The following ELOVL7 variants were observed in gnomAD, a reference collection of about 807,000 sequenced individuals.
ELOVL7 encodes the protein ELOVL fatty acid elongase 7.
ELOVL7 carries 27 observed loss-of-function variants against 35.7 expected under a neutral mutation model. The observed-to-expected ratio is 0.76, with a 90% confidence interval of 0.56 to 1.04. ELOVL7 has a LOEUF of 1.04. Ranked by LOEUF, ELOVL7 falls within the 50% of genes least tolerant of loss-of-function variation. The pLI is 0.00. For synonymous variants in ELOVL7, 113 were observed against 114.6 expected, an observed-to-expected ratio of 0.99 and a Z score of 0.09; for missense variants, 327 against 340.8, an observed-to-expected ratio of 0.96 and a Z score of 0.32.
intron 2 of ELOVL7, among the ~76,000 whole-genome samples, chr5:60,797,219 C>G (rs1744316333): frequency 6.6e-6 from 1 of 152,196 alleles, no homozygotes; most frequent in Non-Finnish European, 1.5e-5. Flanking sequence ...TATATACATA[C>G]TATACACACA....
intron 1 of ELOVL7, among the ~76,000 whole-genome samples, chr5:60,837,223 C>A (rs1469699492): frequency 6.7e-6 from 1 of 149,086 alleles, no homozygotes; most frequent in Non-Finnish European, 1.5e-5. Context: ...CACCTGAGGT[C>A]GGGAGTCGAG....
At chr5:60,803,227 A>T (rs1281534725) in intron 1 of ELOVL7, among the ~76,000 whole-genome samples, 4 of 152,180 alleles carry the variant, frequency 2.6e-5, no homozygotes, top group African/African-American at 4.8e-5. Context: ...ATCCCATCCC[A>T]CAAGTCACAA....
At chr5:60,794,345 C>T (rs752343095) in intron 2 of ELOVL7, among the ~76,000 whole-genome samples, 10 of 152,250 alleles carry the variant, frequency 6.6e-5, no homozygotes, top group Non-Finnish European at 8.8e-5. Flanking sequence ...AAGCTGCCTA[C>T]GTTAGCATGA....
At chr5:60,784,759 G>C (rs1378439253) in intron 3 of ELOVL7, among the ~76,000 whole-genome samples, 2 of 152,092 alleles carry the variant, frequency 1.3e-5, no homozygotes, top group African/African-American at 4.8e-5. Flanking sequence ...CTAAGTAGAA[G>C]GAAAAAACTT....
chr5:60,805,375 T>C (rs149870273), intron 1 of ELOVL7, among the ~76,000 whole-genome samples: 111 of 152,210 alleles, frequency 7.3e-4, no homozygotes, highest in African/African-American at 2.5e-3. Context: ...ATGGAAACAA[T>C]AGGAAGATCA....
At chr5:60,816,384 A>AC (rs1745519397) in intron 1 of ELOVL7, among the ~76,000 whole-genome samples, 3 of 151,840 alleles carry the variant, frequency 2.0e-5, no homozygotes, top group Non-Finnish European at 2.9e-5. Context: ...CCATCTCAAA[A>AC]AAAAAAAAAA....
intron 1 of ELOVL7, among the ~76,000 whole-genome samples, chr5:60,812,121 G>A (rs1745270934): frequency 6.6e-6 from 1 of 152,156 alleles, no homozygotes; most frequent in Admixed American, 6.5e-5. Context: ...TCAGGAGACT[G>A]AGGCAAGAGG....
chr5:60,817,852 A>G (rs12653837), intron 1 of ELOVL7, among the ~76,000 whole-genome samples: 4,767 of 142,830 alleles, frequency 0.033, 158 homozygotes, highest in East Asian at 0.19. Flanking sequence ...GTGTGTGTAT[A>G]TATATATATA....
At chr5:60,761,821 G>T (rs1383781374) in intron 7 of ELOVL7, among the ~76,000 whole-genome samples, 2 of 152,070 alleles carry the variant, frequency 1.3e-5, no homozygotes, top group Admixed American at 1.3e-4. Context: ...TAGAAAAATT[G>T]TAGCAGTTAG....
chr5:60,842,783 CTCA>C (rs1413394731), intron 1 of ELOVL7, among the ~76,000 whole-genome samples: 2 of 152,130 alleles, frequency 1.3e-5, no homozygotes, highest in African/African-American at 4.8e-5. Flanking sequence ...CCTCAGTTAC[CTCA>C]TCATTAAAAT....
chr5:60,807,026 G>A (rs1464118791), intron 1 of ELOVL7, among the ~76,000 whole-genome samples: 1 of 152,318 alleles, frequency 6.6e-6, no homozygotes, highest in African/African-American at 2.4e-5. Flanking sequence ...GGAGCAGAGT[G>A]GCATCTACAA....
chr5:60,794,790 C>G (rs1215143148), intron 2 of ELOVL7, among the ~76,000 whole-genome samples: 1 of 152,154 alleles, frequency 6.6e-6, no homozygotes, highest in Non-Finnish European at 1.5e-5. Context: ...CCTGGAAGAA[C>G]AGAACTGGCT....
intron 1 of ELOVL7, among the ~76,000 whole-genome samples, chr5:60,811,317 A>G (rs959491014): frequency 1.3e-5 from 2 of 152,178 alleles, no homozygotes; most frequent in African/African-American, 4.8e-5. Flanking sequence ...AGAAGATAGT[A>G]TAGTCATTAG....
At chr5:60,786,222 G>A (rs77149364) in intron 3 of ELOVL7, among the ~76,000 whole-genome samples, 4,190 of 152,146 alleles carry the variant, frequency 0.028, 155 homozygotes, top group African/African-American at 0.077. Context: ...CATTAGCTTC[G>A]ATGATATCTA....
chr5:60,784,922 A>G (rs1294695565), intron 3 of ELOVL7, among the ~76,000 whole-genome samples: 1 of 152,232 alleles, frequency 6.6e-6, no homozygotes, highest in East Asian at 1.9e-4. Context: ...GAAATCTATC[A>G]TCTGTAACAA....
At chr5:60,806,677 G>T (rs1032229444) in intron 1 of ELOVL7, among the ~76,000 whole-genome samples, 1 of 152,128 alleles carries the variant, frequency 6.6e-6, no homozygotes, top group African/African-American at 2.4e-5. Flanking sequence ...ATCAAGTGTT[G>T]GTAGGGTTGG....
intron 1 of ELOVL7, among the ~76,000 whole-genome samples, chr5:60,839,561 G>A (rs1747037478): frequency 6.6e-6 from 1 of 152,192 alleles, no homozygotes; most frequent in South Asian, 2.1e-4. Flanking sequence ...ATGAGTCACT[G>A]AAACACATGT....
chr5:60,818,125 C>T (rs1745638031), intron 1 of ELOVL7, among the ~76,000 whole-genome samples: 1 of 151,636 alleles, frequency 6.6e-6, no homozygotes, highest in African/African-American at 2.4e-5. Context: ...CGAGACCAGC[C>T]TGGCCAACAT....
At chr5:60,784,814 A>G (rs573105979) in intron 3 of ELOVL7, among the ~76,000 whole-genome samples, 2 of 152,336 alleles carry the variant, frequency 1.3e-5, no homozygotes, top group Admixed American at 6.5e-5. Context: ...GTATATCTCA[A>G]AACAAAACAT....
Sources: allele counts gnomAD v4.1 joint callset (sites outside exome capture counted in the v4.1 genomes callset), GRCh38; gene constraint gnomAD v4.1.1; transcripts MANE v1.5; gene names NCBI Gene and HGNC (gene_info 2026-07-23, HGNC 2026-07-21).